Variants in AFDN observed in about 807,000 individuals in gnomAD.
AFDN encodes afadin.
AFDN carries 68 observed loss-of-function variants against 216.6 expected under a neutral mutation model. The ratio of observed to expected loss-of-function variants is 0.31; its 90% CI spans 0.26 to 0.38. The LOEUF is 0.38. Ranked by LOEUF, AFDN falls within the 10% of genes least tolerant of loss-of-function variation. The pLI is 1.00. For missense variants in AFDN, 2,136 were observed against 2,342.0 expected (o/e 0.91, Z 1.82); for synonymous variants, 868 against 853.7 (o/e 1.02, Z -0.29).
At chr6:167,914,397 A>G (rs1790784313) in intron 17 of AFDN, 84 bp downstream of exon 17, 2 of 1,522,386 alleles carry the variant, frequency 1.3e-6, no homozygotes, top group Non-Finnish European at 8.9e-7. Context: ...ACTAATTTTA[A>G]GATTTATATT....
chr6:167,826,708 G>A (rs549336653), upstream of AFDN: 9 of 437,972 alleles, frequency 2.1e-5, no homozygotes, highest in Admixed American at 1.8e-4. Flanking sequence ...ACCCACCACC[G>A]CCAGTCCAGA....
Position 167,952,111 on chromosome 6 carries a change from A to T in AFDN, c.4757A>T (p.Asp1586Val), listed in dbSNP as rs1164947433. The T allele has an allele frequency of 3.1e-6, 5 of 1,613,998 alleles. No homozygotes were observed. In the Admixed American group the frequency reaches 8.3e-5, roughly 27 times the overall value. Residue 1586 changes from aspartate to valine, a missense_variant, in exon 30 of 34, where the codon GAT becomes GTT. Around this residue, in one of 8 missense-constraint regions of AFDN, gnomAD observed 981 missense variants for 966.0 expected, o/e 1.02. Transcript: ENST00000683244. ...RLQESKQKDE[D>V]DEEEEDDDVD... ...CAGGAGTCGAAGCAGAAGGACGAAG[A>T]TGACGAGGAGGAGGAGGACGATGAT...
intron 1 of AFDN, among the ~76,000 whole-genome samples, chr6:167,837,431 C>T (rs1047756747): frequency 1.4e-5 from 2 of 145,884 alleles, no homozygotes; most frequent in African/African-American, 2.5e-5. Context: ...AAAAAGTTTG[C>T]GTGTATGTTT....
At chr6:167,948,099 T>A in intron 28 of AFDN, 155 bp downstream of exon 28, 1 of 745,504 alleles carries the variant, frequency 1.3e-6, no homozygotes, top group Non-Finnish European at 2.1e-6. Context: ...TTTAATATAC[T>A]AGTCAGGTAA....
At chr6:167,908,388 A>G (rs942769562) in intron 13 of AFDN, among the ~76,000 whole-genome samples, 30 of 152,344 alleles carry the variant, frequency 2.0e-4, no homozygotes, top group Non-Finnish European at 4.1e-4. Context: ...TTCTAATGCA[A>G]GATTTTTATT....
At position 167,958,335 on chromosome 6, in the gene AFDN, A is replaced by G. The variant is rs139677158; in HGVS notation, c.4834-4098A>G. On this transcript the variant is annotated intron_variant, in intron 30 of 33. Coordinates refer to ENST00000683244, the MANE Select transcript of AFDN (RefSeq NM_001386888.1). ...GTTCCAAGCATTTTGGATAAGGGATACTCTGCTTTGTATCACATGGATCAG... is the reference window on the plus strand; with the variant it reads ...GTTCCAAGCATTTTGGATAAGGGATGCTCTGCTTTGTATCACATGGATCAG... 1.8e-4 allele frequency among the ~76,000 whole-genome samples: 28 copies of G among 152,270 alleles called. No homozygotes were observed. In the East Asian group the frequency reaches 4.3e-3, roughly 23 times the overall value.
intron 32 of AFDN, among the ~76,000 whole-genome samples, chr6:167,968,240 G>T (rs1430427052): frequency 6.6e-6 from 1 of 152,166 alleles, no homozygotes; most frequent in African/African-American, 2.4e-5. Context: ...GCTATAAATT[G>T]TCGTAAGGTG....
chr6:167,843,913 A>G (rs1011408878), intron 1 of AFDN, among the ~76,000 whole-genome samples: 1 of 152,206 alleles, frequency 6.6e-6, no homozygotes. Flanking sequence ...GCTGTTGAAG[A>G]CTAATGTAAG....
intron 4 of AFDN, among the ~76,000 whole-genome samples, chr6:167,873,679 A>G (rs1180563347): frequency 6.6e-6 from 1 of 152,070 alleles, no homozygotes; most frequent in Non-Finnish European, 1.5e-5. Context: ...TACACCTGCA[A>G]CTCTTAGGTG....
intron 6 of AFDN, among the ~76,000 whole-genome samples, chr6:167,886,490 G>A (rs189657757): frequency 6.6e-6 from 1 of 152,246 alleles, no homozygotes; most frequent in African/African-American, 2.4e-5. Context: ...GGAGGGTGTT[G>A]TGGTGTGTTG....
intron 1 of AFDN, among the ~76,000 whole-genome samples, chr6:167,847,673 C>G (rs571800171): frequency 6.6e-6 from 1 of 152,332 alleles, no homozygotes; most frequent in East Asian, 1.9e-4. Flanking sequence ...TTTTCACCAT[C>G]TTTGCTTCTT....
At chr6:167,932,086 G>T (rs1375223599) in intron 23 of AFDN, among the ~76,000 whole-genome samples, 1 of 152,204 alleles carries the variant, frequency 6.6e-6, no homozygotes, top group East Asian at 1.9e-4. Flanking sequence ...AGTCTCATGA[G>T]TGTGTGGTAT....
intron 5 of AFDN, among the ~76,000 whole-genome samples, chr6:167,878,587 C>T (rs1415817041): frequency 1.1e-5 from 1 of 94,532 alleles, no homozygotes; most frequent in Non-Finnish European, 2.5e-5. Flanking sequence ...CACACACCCA[C>T]TCTCTCTCTC....
At chr6:167,828,236 A>G (rs1471088935) in intron 1 of AFDN, among the ~76,000 whole-genome samples, 1 of 152,278 alleles carries the variant, frequency 6.6e-6, no homozygotes, top group Non-Finnish European at 1.5e-5. Flanking sequence ...TACTTGCTAT[A>G]AAATACTAGC....
intron 4 of AFDN, among the ~76,000 whole-genome samples, chr6:167,873,127 T>G (rs1784962583): frequency 6.6e-6 from 1 of 152,186 alleles, no homozygotes; most frequent in African/African-American, 2.4e-5. Flanking sequence ...ACATTACTTT[T>G]CCGTAATCAA....
At chr6:167,919,449 C>A (rs1365210408) in intron 21 of AFDN, among the ~76,000 whole-genome samples, 1 of 152,190 alleles carries the variant, frequency 6.6e-6, no homozygotes, top group African/African-American at 2.4e-5. Context: ...GTTGATAGTA[C>A]CCAGCTAAGA....
Position 167,911,285 on chromosome 6 carries a change from T to A in AFDN, c.1833T>A (p.Ser611=). ...TTTGTTTTTGAAATCTTTCCACAGCTGAAGATTCATTTTTGTCTGCCATTA... is the reference window on the plus strand; with the variant it reads ...TTTGTTTTTGAAATCTTTCCACAGCAGAAGATTCATTTTTGTCTGCCATTA... ...LPASIEFRES[S]EDSFLSAIIN... The change falls in exon 15 of 34, where the codon TCT becomes TCA. Residue 611 remains serine (S), a splice_region_variant and synonymous_variant. Transcript: ENST00000683244. 6.2e-7 allele frequency: 1 copy of A among 1,613,220 alleles called. No homozygotes were observed. The highest frequency in any genetic ancestry group is 8.5e-7 in the Non-Finnish European group (1 of 1,179,238).
At chr6:167,874,249 A>G (rs1442378191) in intron 4 of AFDN, among the ~76,000 whole-genome samples, 1 of 152,066 alleles carries the variant, frequency 6.6e-6, no homozygotes, top group Non-Finnish European at 1.5e-5. Context: ...ACCAAAACAA[A>G]CCAAAAGCTT....
intron 1 of AFDN, among the ~76,000 whole-genome samples, chr6:167,856,724 T>C (rs1283476850): frequency 6.6e-6 from 1 of 152,134 alleles, no homozygotes; most frequent in Non-Finnish European, 1.5e-5. Context: ...TACTGTTATC[T>C]CCATTTTTAT....
Sources: gnomAD v4.1 joint callset for allele counts (sites outside exome capture counted in the v4.1 genomes callset) on GRCh38, gnomAD v4.1.1 for gene constraint, gnomAD v4.1.1 regional missense constraint, MANE v1.5 for transcripts, NCBI Gene and HGNC (gene_info 2026-07-23, HGNC 2026-07-21) for gene names.